The following VTI1A variants were observed in gnomAD, a reference collection of about 807,000 sequenced individuals.
VTI1A encodes the protein vesicle transport through interaction with t-SNAREs homolog 1A.
In VTI1A, 22 loss-of-function variants were observed where a neutral mutation model predicts 34.9. That is an observed-to-expected ratio of 0.63 (90% CI 0.45 to 0.90). VTI1A has a LOEUF of 0.90. VTI1A is among the 40% of genes least tolerant of loss of function. The pLI is 0.00. For missense variants in VTI1A, 268 were observed against 275.6 expected (o/e 0.97, Z 0.20); for synonymous variants, 87 against 97.3 (o/e 0.89, Z 0.62).
intron 5 of VTI1A, among the ~76,000 whole-genome samples, chr10:112,653,074 T>A (rs1030382718): frequency 2.0e-5 from 3 of 152,214 alleles, no homozygotes; most frequent in African/African-American, 7.2e-5. Flanking sequence ...TTAAATACCC[T>A]CTAGAGGTTT....
intron 5 of VTI1A, among the ~76,000 whole-genome samples, chr10:112,634,549 G>A (rs1482283683): frequency 7.4e-6 from 1 of 134,664 alleles, no homozygotes; most frequent in Non-Finnish European, 1.6e-5. Context: ...ACACACACAC[G>A]AATTTCATGT....
At chr10:112,727,295 A>G (rs934461423) in intron 7 of VTI1A, among the ~76,000 whole-genome samples, 6 of 152,126 alleles carry the variant, frequency 3.9e-5, no homozygotes, top group African/African-American at 1.2e-4. Flanking sequence ...TCTCCACTCT[A>G]TACTTCTACA....
At chr10:112,606,151 G>T (rs940517512) in intron 5 of VTI1A, among the ~76,000 whole-genome samples, 1 of 150,738 alleles carries the variant, frequency 6.6e-6, no homozygotes, top group Non-Finnish European at 1.5e-5. Context: ...CAGCCTTCCC[G>T]AGTAGCTGGG....
chr10:112,758,912 C>T (rs111798197), intron 7 of VTI1A, among the ~76,000 whole-genome samples: 1,668 of 152,280 alleles, frequency 0.011, 31 homozygotes, highest in African/African-American at 0.037. Flanking sequence ...ATGGCATCTA[C>T]AAGGTAGGCA....
At chr10:112,760,081 A>C (rs947315850) in intron 7 of VTI1A, among the ~76,000 whole-genome samples, 3 of 152,336 alleles carry the variant, frequency 2.0e-5, no homozygotes, top group African/African-American at 7.2e-5. Flanking sequence ...ACACAGAAAA[A>C]TATATGGGAG....
the VTI1A span, among the ~76,000 whole-genome samples, chr10:112,849,655 G>A: frequency 6.6e-6 from 1 of 152,202 alleles, no homozygotes; most frequent in African/African-American, 2.4e-5. Flanking sequence ...ATTAACTCTA[G>A]CCAAGAGGGA....
intron 5 of VTI1A, among the ~76,000 whole-genome samples, chr10:112,580,384 A>G (rs111908174): frequency 0.012 from 1,866 of 152,318 alleles, 46 homozygotes; most frequent in African/African-American, 0.042. Context: ...TAGAAAGAAG[A>G]TGGGAAAGGC....
intron 5 of VTI1A, among the ~76,000 whole-genome samples, chr10:112,653,860 C>T (rs754498697): frequency 1.3e-5 from 2 of 152,150 alleles, no homozygotes; most frequent in Non-Finnish European, 2.9e-5. Context: ...AGTCCCATCC[C>T]AACTTGTTAA....
At chr10:112,681,337 C>T (rs919380294) in intron 7 of VTI1A, among the ~76,000 whole-genome samples, 1 of 152,046 alleles carries the variant, frequency 6.6e-6, no homozygotes, top group African/African-American at 2.4e-5. Context: ...TGCCTCAGCC[C>T]CCCAAAGTGC....
At chr10:112,671,632 A>G (rs1255581223) in intron 7 of VTI1A, among the ~76,000 whole-genome samples, 4 of 152,220 alleles carry the variant, frequency 2.6e-5, no homozygotes, top group Non-Finnish European at 5.9e-5. Context: ...GAGCCATTTT[A>G]CGTATGGTCT....
At chr10:112,570,333 G>A (rs745318503) in intron 5 of VTI1A, among the ~76,000 whole-genome samples, 11 of 151,848 alleles carry the variant, frequency 7.2e-5, no homozygotes, top group Admixed American at 2.6e-4. Flanking sequence ...TCCCCCTGTG[G>A]CAAAGCAAAG....
At chr10:112,709,666 G>A (rs1176380106) in intron 7 of VTI1A, among the ~76,000 whole-genome samples, 3 of 138,992 alleles carry the variant, frequency 2.2e-5, no homozygotes, top group Non-Finnish European at 4.6e-5. Context: ...TCCCCAACAA[G>A]AGGCACTCTA....
At chr10:112,775,788 G>A (rs746130731) in intron 7 of VTI1A, among the ~76,000 whole-genome samples, 7 of 152,168 alleles carry the variant, frequency 4.6e-5, no homozygotes, top group Non-Finnish European at 8.8e-5. Context: ...ATTGCCATAG[G>A]ACACAGGTCT....
chr10:112,606,410 C>T (rs1385457007), intron 5 of VTI1A, among the ~76,000 whole-genome samples: 3 of 152,142 alleles, frequency 2.0e-5, no homozygotes, highest in Non-Finnish European at 2.9e-5. Flanking sequence ...GCTCCTCCCC[C>T]GAATTCCATA....
the VTI1A span, chr10:112,831,086 G>T: frequency 6.6e-6 from 1 of 151,622 alleles, no homozygotes; most frequent in Non-Finnish European, 1.5e-5. Context: ...ATGCTCTGTG[G>T]AGGCTGGTAC....
chr10:112,462,741 C>T (rs1479184053), intron 2 of VTI1A, among the ~76,000 whole-genome samples: 3 of 152,100 alleles, frequency 2.0e-5, no homozygotes, highest in Non-Finnish European at 4.4e-5. Flanking sequence ...TGTAGTTATT[C>T]AGTCGCTAAC....
At chr10:112,531,056 A>AC (rs1198694271) in intron 4 of VTI1A, among the ~76,000 whole-genome samples, 34 of 112,662 alleles carry the variant, frequency 3.0e-4, no homozygotes, top group African/African-American at 1.1e-3. Flanking sequence ...GGGTCACGTG[A>AC]CACACCTCAC....
intron 1 of VTI1A, among the ~76,000 whole-genome samples, chr10:112,454,360 C>G (rs1312870159): frequency 2.0e-5 from 3 of 152,046 alleles, no homozygotes; most frequent in Non-Finnish European, 4.4e-5. Context: ...AATGAGAGGC[C>G]AAGATGGGAG....
chr10:112,730,434 C>T (rs1383300635), intron 7 of VTI1A, among the ~76,000 whole-genome samples: 1 of 152,152 alleles, frequency 6.6e-6, no homozygotes, highest in Non-Finnish European at 1.5e-5. Context: ...AAAGATCTAC[C>T]TTTACATTCA....
Sources: allele counts gnomAD v4.1 joint callset (sites outside exome capture counted in the v4.1 genomes callset), GRCh38; gene constraint gnomAD v4.1.1; transcripts MANE v1.5; gene names NCBI Gene and HGNC (gene_info 2026-07-23, HGNC 2026-07-21).